VPS13B: variants seen among roughly 807,000 people sequenced by gnomAD.
VPS13B encodes vacuolar protein sorting 13 homolog B.
In VPS13B, 285 loss-of-function variants were observed where a neutral mutation model predicts 426.4. The ratio of observed to expected loss-of-function variants is 0.67; its 90% CI spans 0.61 to 0.74. The LOEUF is 0.74. Ranked by LOEUF, VPS13B falls within the 30% of genes least tolerant of loss-of-function variation. VPS13B has a pLI of 0.00. For synonymous variants in VPS13B, 1,676 were observed against 1,676.4 expected (o/e 1.00, Z 0.01); for missense variants, 4,537 against 4,782.6 (o/e 0.95, Z 1.51).
At chr8:99,664,521 T>G (rs1478412091) in intron 35 of VPS13B, among the ~76,000 whole-genome samples, 1 of 152,022 alleles carries the variant, frequency 6.6e-6, no homozygotes, top group Non-Finnish European at 1.5e-5. Context: ...CCTGTGTCTA[T>G]GTGTTCTCAC....
At chr8:99,656,084 C>T (rs1830008816) in intron 34 of VPS13B, among the ~76,000 whole-genome samples, 1 of 152,132 alleles carries the variant, frequency 6.6e-6, no homozygotes, top group Non-Finnish European at 1.5e-5. Context: ...TTAGGTATTC[C>T]TTATGACATA....
At chr8:99,501,965 C>T (rs1165875247) in intron 26 of VPS13B, 107 bp downstream of exon 26, 3 of 1,247,406 alleles carry the variant, frequency 2.4e-6, no homozygotes, top group African/African-American at 3.3e-5. Context: ...GTCTGTCTGT[C>T]TGTCTGTCTT....
intron 3 of VPS13B, among the ~76,000 whole-genome samples, chr8:99,088,618 T>A (rs940449410): frequency 1.3e-5 from 2 of 152,236 alleles, no homozygotes. Flanking sequence ...TCTAAACTTT[T>A]ATAATAATCT....
At chr8:99,234,330 C>T in intron 17 of VPS13B, 1 of 752,652 alleles carries the variant, frequency 1.3e-6, no homozygotes, top group Non-Finnish European at 2.5e-6. Context: ...CCGTGTTGAG[C>T]CAAAGGTGCA....
chr8:99,495,531 C>T (rs1820837657), intron 25 of VPS13B, among the ~76,000 whole-genome samples: 1 of 152,144 alleles, frequency 6.6e-6, no homozygotes, highest in African/African-American at 2.4e-5. Context: ...AATGGAACTT[C>T]TTCTATGAAG....
At chr8:99,494,015 C>T (rs578059276) in intron 25 of VPS13B, among the ~76,000 whole-genome samples, 2 of 152,070 alleles carry the variant, frequency 1.3e-5, no homozygotes, top group South Asian at 2.1e-4. Flanking sequence ...CTATCCCACT[C>T]CAGTGGCCCA....
At chr8:99,050,409 C>T (rs948630587) in intron 3 of VPS13B, among the ~76,000 whole-genome samples, 2 of 152,110 alleles carry the variant, frequency 1.3e-5, no homozygotes, top group Non-Finnish European at 2.9e-5. Context: ...GTATATGTGC[C>T]ACATTTTCTT....
chr8:99,446,469 A>G (rs1313704759), intron 23 of VPS13B, among the ~76,000 whole-genome samples: 2 of 151,954 alleles, frequency 1.3e-5, no homozygotes, highest in Non-Finnish European at 2.9e-5. Context: ...GAGTCCTGCA[A>G]GTTTTCTGGC....
rs1172250597 is a variant in VPS13B at position 99,640,019 on chromosome 8, T to TAAG, written c.5221-1790_5221-1789insGAA. On this transcript the variant is annotated intron_variant, in intron 33 of 61. Coordinates refer to ENST00000357162, the MANE Select transcript of VPS13B (RefSeq NM_152564.5). ...ATAATAATAATAATAATAATAATAATAATAATAAGAAGAAGAAGAAGAAGA... is the reference window on the plus strand; with the variant it reads ...ATAATAATAATAATAATAATAATAATAAGAATAATAAGAAGAAGAAGAAGAAGA... 1.8e-3 allele frequency among the ~76,000 whole-genome samples: 144 copies of TAAG among 78,292 alleles called. 1 individual carries two copies. The highest frequency in any genetic ancestry group is 9.7e-3 in the East Asian group (27 of 2,774). 51.4% of individuals were successfully genotyped at this position (78,292 alleles called of 152,430 possible).
At chr8:99,677,292 A>G (rs568487399) in intron 35 of VPS13B, among the ~76,000 whole-genome samples, 1 of 152,332 alleles carries the variant, frequency 6.6e-6, no homozygotes, top group South Asian at 2.1e-4. Flanking sequence ...TTTTACAGCC[A>G]TGCTAGCAGG....
chr8:99,696,318 G>A (rs1831999636), intron 35 of VPS13B: 1 of 247,424 alleles, frequency 4.0e-6, no homozygotes, highest in South Asian at 5.3e-5. Flanking sequence ...TGAATAAGTC[G>A]CTCGGGCAGA....
intron 19 of VPS13B, among the ~76,000 whole-genome samples, chr8:99,306,367 A>G (rs773447356): frequency 1.3e-5 from 2 of 152,048 alleles, no homozygotes; most frequent in South Asian, 4.1e-4. Flanking sequence ...ATTATATTTT[A>G]GGGGTATTTG....
chr8:99,535,662 T>C (rs542551101), intron 30 of VPS13B, among the ~76,000 whole-genome samples: 1 of 152,306 alleles, frequency 6.6e-6, no homozygotes, highest in Non-Finnish European at 1.5e-5. Flanking sequence ...ATTTATCATT[T>C]GTATACAGTT....
chr8:99,058,718 A>G (rs913871864), intron 3 of VPS13B, among the ~76,000 whole-genome samples: 6 of 152,336 alleles, frequency 3.9e-5, no homozygotes, highest in African/African-American at 1.2e-4. Flanking sequence ...ATATTTTAGA[A>G]GAAAAGTTAT....
chr8:99,026,863 T>G (rs1468148263), intron 2 of VPS13B, among the ~76,000 whole-genome samples: 1 of 152,172 alleles, frequency 6.6e-6, no homozygotes, highest in Non-Finnish European at 1.5e-5. Context: ...TAGTTGGGTC[T>G]TGTTTTATTT....
chr8:99,533,032 C>T (rs1370712020), intron 30 of VPS13B, among the ~76,000 whole-genome samples: 6 of 150,962 alleles, frequency 4.0e-5, no homozygotes, highest in South Asian at 2.1e-4. Context: ...CTCCACCTCC[C>T]GGGTTCAAGC....
intron 19 of VPS13B, among the ~76,000 whole-genome samples, chr8:99,277,027 C>T (rs371432774): frequency 6.6e-6 from 1 of 151,930 alleles, no homozygotes; most frequent in South Asian, 2.1e-4. Context: ...TTTCTAGGGT[C>T]ACAAAATTTT....
At chr8:99,321,869 T>C (rs1464131016) in intron 19 of VPS13B, among the ~76,000 whole-genome samples, 1 of 152,224 alleles carries the variant, frequency 6.6e-6, no homozygotes, top group African/African-American at 2.4e-5. Context: ...CATTTCTATC[T>C]CTTTGGAAAT....
intron 58 of VPS13B, chr8:99,868,082 C>T (rs374487087): frequency 2.7e-5 from 16 of 591,516 alleles, no homozygotes; most frequent in Non-Finnish European, 4.1e-5. Flanking sequence ...GACCAAACTC[C>T]GTCTGAACAT....
Sources: allele counts gnomAD v4.1 joint callset (sites outside exome capture counted in the v4.1 genomes callset), GRCh38; gene constraint gnomAD v4.1.1; transcripts MANE v1.5; gene names NCBI Gene and HGNC (gene_info 2026-07-23, HGNC 2026-07-21).